Variants in TENM1 observed in about 807,000 individuals in gnomAD.
The protein encoded by TENM1 is teneurin-1.
TENM1 carries 35 observed loss-of-function variants against 174.8 expected under a neutral mutation model. The ratio of observed to expected loss-of-function variants is 0.20; its 90% CI spans 0.15 to 0.27. TENM1 has a LOEUF of 0.27. TENM1 is among the 10% of genes least tolerant of loss of function. The probability of loss-of-function intolerance (pLI) is 1.00; values close to 1 mark genes in which losing one functional copy is unlikely to be tolerated. For synonymous variants in TENM1, 781 were observed against 798.7 expected, an observed-to-expected ratio of 0.98 and a Z score of 0.37; for missense variants, 1,633 against 2,130.1, an observed-to-expected ratio of 0.77 and a Z score of 4.59.
chrX:125,057,391 T>C, the TENM1 span, among the ~76,000 whole-genome samples: 1 of 110,335 alleles, frequency 9.1e-6, no homozygotes, highest in Non-Finnish European at 1.9e-5. Flanking sequence ...ACTGTATGTA[T>C]TACTTTCATA....
chrX:124,660,658 A>C (rs1054124018), intron 6 of TENM1, among the ~76,000 whole-genome samples: 1 of 112,055 alleles, frequency 8.9e-6, no homozygotes, highest in African/African-American at 3.2e-5. Context: ...CATGCAAATA[A>C]AAACCACAAT....
At chrX:125,181,258 A>G in the TENM1 span, among the ~76,000 whole-genome samples, 1 of 111,790 alleles carries the variant, frequency 8.9e-6, no homozygotes, top group African/African-American at 3.3e-5. Flanking sequence ...CTACTTGCCC[A>G]AGCTGTACAG....
At chrX:124,796,133 T>A (rs1293565192) in intron 3 of TENM1, among the ~76,000 whole-genome samples, 1 of 111,396 alleles carries the variant, frequency 9.0e-6, no homozygotes, top group African/African-American at 3.3e-5. Flanking sequence ...GAAATAATAT[T>A]AAGAAAATTC....
chrX:124,977,107 C>T, the TENM1 span, among the ~76,000 whole-genome samples: 2 of 111,606 alleles, frequency 1.8e-5, no homozygotes, highest in African/African-American at 3.3e-5. Context: ...CATTGTGTCA[C>T]GTACTGTATG....
At chrX:125,198,796 G>A in the TENM1 span, among the ~76,000 whole-genome samples, 1 of 110,596 alleles carries the variant, frequency 9.0e-6, no homozygotes, top group Admixed American at 9.7e-5. Flanking sequence ...ATGAGGTACA[G>A]GAAATTTTAA....
chrX:124,503,673 G>C (rs2047381434), exon 19 of TENM1: 2 of 1,202,020 alleles, frequency 1.7e-6, no homozygotes, highest in African/African-American at 1.8e-5. Context: ...AATAAAGTCA[G>C]GGCACGTTTC....
intron 19 of TENM1, among the ~76,000 whole-genome samples, chrX:124,502,852 G>A (rs967648038): frequency 8.9e-6 from 1 of 111,900 alleles, no homozygotes; most frequent in South Asian, 3.8e-4. Flanking sequence ...AGCCTGTGGG[G>A]CTGGTTGACA....
exon 15 of TENM1, chrX:124,547,075 C>T: frequency 1.7e-6 from 2 of 1,209,418 alleles, no homozygotes; most frequent in Non-Finnish European, 2.2e-6. Flanking sequence ...AGGATCCACA[C>T]AGTCGGTTAA....
intron 6 of TENM1, among the ~76,000 whole-genome samples, chrX:124,664,129 C>T (rs922445990): frequency 2.7e-5 from 3 of 111,649 alleles, no homozygotes; most frequent in African/African-American, 6.5e-5. Context: ...TCTTTGTTAG[C>T]GCATTACTTC....
At chrX:124,386,193 C>A in intron 28 of TENM1, 129 bp from the exon 32 acceptor site, 2 of 582,439 alleles carry the variant, frequency 3.4e-6, no homozygotes. Context: ...CTGTGGCAAA[C>A]CCTAGTGGAT....
At chrX:125,135,442 T>G in the TENM1 span, among the ~76,000 whole-genome samples, 1 of 97,379 alleles carries the variant, frequency 1.0e-5, no homozygotes. Flanking sequence ...ATGTGTAGGA[T>G]TTTAGATTAA....
chrX:125,070,727 G>C, the TENM1 span, among the ~76,000 whole-genome samples: 11 of 111,788 alleles, frequency 9.8e-5, no homozygotes, highest in African/African-American at 3.6e-4. Flanking sequence ...AAGGGAAATA[G>C]ATGTATTCTG....
chrX:124,798,305 C>G (rs2055356083), intron 3 of TENM1, among the ~76,000 whole-genome samples: 1 of 111,635 alleles, frequency 9.0e-6, no homozygotes, highest in Non-Finnish European at 1.9e-5. Context: ...AACACTCCCA[C>G]CAACAGTGTA....
At chrX:124,545,727 T>C (rs1225037734) in intron 15 of TENM1, among the ~76,000 whole-genome samples, 1 of 111,677 alleles carries the variant, frequency 9.0e-6, no homozygotes, top group Non-Finnish European at 1.9e-5. Flanking sequence ...TTATTGAAGC[T>C]GGAAGAAATA....
intron 11 of TENM1, among the ~76,000 whole-genome samples, chrX:124,591,384 T>G (rs1366779471): frequency 8.9e-6 from 1 of 112,076 alleles, no homozygotes; most frequent in Admixed American, 9.4e-5. Flanking sequence ...TTCATTGCTG[T>G]GTTCCTTAAG....
chrX:124,946,179 A>G (rs949972469), intron 1 of TENM1, among the ~76,000 whole-genome samples: 6 of 111,681 alleles, frequency 5.4e-5, no homozygotes, highest in Non-Finnish European at 1.9e-5. Flanking sequence ...TTGTTAGTGT[A>G]TATCTGCATG....
the TENM1 span, among the ~76,000 whole-genome samples, chrX:124,969,576 C>T: frequency 8.9e-6 from 1 of 112,403 alleles, no homozygotes; most frequent in Non-Finnish European, 1.9e-5. Context: ...CCTACATTAA[C>T]TCATTTAATT....
At chrX:124,421,444 G>A (rs752777869) in intron 24 of TENM1, among the ~76,000 whole-genome samples, 7 of 111,734 alleles carry the variant, frequency 6.3e-5, no homozygotes, top group Admixed American at 1.9e-4. Context: ...GACTCCTCTG[G>A]CCTAAGGAAA....
chrX:124,506,956 T>C (rs1235266655), intron 18 of TENM1, among the ~76,000 whole-genome samples: 2 of 111,711 alleles, frequency 1.8e-5, no homozygotes, highest in Non-Finnish European at 3.8e-5. Context: ...CCTGACACTA[T>C]GACAGCTGAG....
Sources: gnomAD v4.1 joint callset for allele counts (sites outside exome capture counted in the v4.1 genomes callset) on GRCh38, gnomAD v4.1.1 for gene constraint, MANE v1.5 for transcripts, NCBI Gene and HGNC (gene_info 2026-07-23, HGNC 2026-07-21) for gene names.